MYH11: variants seen among roughly 807,000 people sequenced by gnomAD.
MYH11 encodes the protein myosin-11.
In MYH11, 80 loss-of-function variants were observed where a neutral mutation model predicts 246.6. That is an observed-to-expected ratio of 0.32 (90% CI 0.27 to 0.39). The LOEUF is 0.39. Ranked by LOEUF, MYH11 falls within the 10% of genes least tolerant of loss-of-function variation. The probability of loss-of-function intolerance (pLI) is 1.00; values close to 1 mark genes in which losing one functional copy is unlikely to be tolerated. For synonymous variants in MYH11, 1,071 were observed against 1,015.5 expected (o/e 1.05, Z -1.04); for missense variants, 2,158 against 2,546.8 (o/e 0.85, Z 3.29).
At chr16:15,833,419 C>CGAAT (rs1160223057) in intron 2 of MYH11, among the ~76,000 whole-genome samples, 2 of 78,422 alleles carry the variant, frequency 2.6e-5, no homozygotes, top group African/African-American at 4.8e-5. Flanking sequence ...AAGGGAGGAA[C>CGAAT]GAACTAACTA....
At chr16:15,716,011 C>T (rs1276297712) in intron 38 of MYH11, among the ~76,000 whole-genome samples, 2 of 152,060 alleles carry the variant, frequency 1.3e-5, no homozygotes, top group Non-Finnish European at 2.9e-5. Flanking sequence ...CCTGTAGTCC[C>T]AGCTACTTGG....
At chr16:15,782,277 C>T in intron 6 of MYH11, 108 bp downstream of exon 6, 1 of 895,540 alleles carries the variant, frequency 1.1e-6, no homozygotes, top group Non-Finnish European at 1.9e-6. Context: ...CAGCCCATCT[C>T]TCCAGGGTCA....
At position 15,715,095 on chromosome 16, in the gene MYH11, T is replaced by A; in HGVS notation, c.5614-14A>T. Reference sequence around the variant, plus strand: ...GCCTTTCTCTGCCTGTCGCGGAGAGTTGGAGGGGTGGTTAGGGGAGGCCGG... The same window carrying A: ...GCCTTTCTCTGCCTGTCGCGGAGAGATGGAGGGGTGGTTAGGGGAGGCCGG... On this transcript the variant is annotated splice_polypyrimidine_tract_variant and intron_variant, in intron 39 of 40. Transcript: ENST00000300036. The A allele has an allele frequency of 6.2e-7, 1 of 1,611,908 alleles. No homozygotes were observed.
rs777173010 is a variant in MYH11 at position 15,747,637 on chromosome 16, G to A, written c.2344C>T (p.Arg782Ter). 2 of 1,614,062 alleles carry A rather than the reference G, an allele frequency of 1.2e-6. No individual in the cohort carries two copies. The highest frequency in any genetic ancestry group is 1.7e-6 in the Non-Finnish European group (2 of 1,180,014). The stretch of plus-strand genomic sequence containing the variant: ...ATGACATCGGTGATCTTCAAATCTC[G>A]CTCCTCCTCTAGGTGGGCCAGGACG... ...TGVLAHLEEE[R>*]DLKITDVIMA... Residue 782 changes from arginine to a stop codon, truncating the protein, a stop_gained, in exon 19 of 41, where the codon CGA (arginine) becomes TGA (stop). Transcript: ENST00000300036. LOFTEE classifies it high-confidence loss of function.
chr16:15,847,580 G>A (rs75949369), intron 1 of MYH11, among the ~76,000 whole-genome samples: 2,969 of 152,288 alleles, frequency 0.019, 83 homozygotes, highest in African/African-American at 0.057. Flanking sequence ...TAATTGCCAT[G>A]TGGATGAGTT....
chr16:15,786,102 C>A (rs114615807), intron 5 of MYH11: 3 of 280,188 alleles, frequency 1.1e-5, no homozygotes, highest in Non-Finnish European at 2.1e-5. Flanking sequence ...CCAAAAGGTA[C>A]CTTAACCCCT....
At chr16:15,738,746 G>A in intron 23 of MYH11, 58 bp from the exon 24 acceptor site, 2 of 1,587,338 alleles carry the variant, frequency 1.3e-6, no homozygotes, top group Non-Finnish European at 1.7e-6. Context: ...TAGAATCTAT[G>A]TTTCACTTTT....
At chr16:15,718,610 C>G (rs962692522) in intron 36 of MYH11, 172 bp from the exon 37 acceptor site, 2 of 1,034,322 alleles carry the variant, frequency 1.9e-6, no homozygotes, top group Non-Finnish European at 2.7e-6. Context: ...AGTGGACAGC[C>G]GGGACTCAGG....
At chr16:15,720,507 G>A (rs981908458) in intron 33 of MYH11, among the ~76,000 whole-genome samples, 195 bp from the exon 34 acceptor site, 50 of 152,068 alleles carry the variant, frequency 3.3e-4, no homozygotes, top group Non-Finnish European at 1.8e-4. Flanking sequence ...AGCACTTTGG[G>A]AGGCCAACAG....
At chr16:15,705,903 T>C (rs1255144126) in intron 40 of MYH11, among the ~76,000 whole-genome samples, 1 of 139,958 alleles carries the variant, frequency 7.1e-6, no homozygotes, top group Admixed American at 7.9e-5. Context: ...GAGAATGACA[T>C]GAACCCAGGA....
Position 15,844,120 on chromosome 16 carries a change from TG to T in MYH11, c.-17-5852del, listed in dbSNP as rs779255598. On this transcript the variant is annotated intron_variant, in intron 1 of 40. Transcript: ENST00000300036. ...TGCTCAAAAGAAAAGGGGATGGAGA[TG>T]GGGGATGAAGGTGATGAAGCCTCCA... is the stretch of plus-strand genomic sequence containing the variant. 2.6e-5 allele frequency among the ~76,000 whole-genome samples: 4 copies of T among 152,058 alleles called. 1 individual carries two copies. Among genetic ancestry groups the T allele is most frequent in the Non-Finnish European group, 5.9e-5 (4 of 68,010 alleles).
At chr16:15,731,103 G>T (rs1285842723) in intron 27 of MYH11, among the ~76,000 whole-genome samples, 1 of 152,162 alleles carries the variant, frequency 6.6e-6, no homozygotes, top group East Asian at 1.9e-4. Context: ...ATTACGGGAG[G>T]CATGAGCCGC....
At chr16:15,826,998 A>G (rs1477166282) in intron 2 of MYH11, among the ~76,000 whole-genome samples, 1 of 63,850 alleles carries the variant, frequency 1.6e-5, no homozygotes, top group Admixed American at 1.2e-4. Flanking sequence ...ACCCATCTCA[A>G]AAAAAAAAAA....
At chr16:15,842,656 C>T (rs2044084508) in intron 1 of MYH11, among the ~76,000 whole-genome samples, 1 of 145,940 alleles carries the variant, frequency 6.9e-6, no homozygotes, top group East Asian at 2.1e-4. Flanking sequence ...CCTAGCTACT[C>T]GGGAGGCTGA....
At position 15,778,879 on chromosome 16, in the gene MYH11, C is replaced by T. The variant is rs764635475; in HGVS notation, c.727-36G>A. ...GAAAACACAGTTCAGGCTTTGCTGC[C>T]CAACTTCAGCCGTTAACCCCATGCT... On this transcript the variant is annotated intron_variant, in intron 6 of 40. Coordinates refer to ENST00000300036, the MANE Select transcript of MYH11 (RefSeq NM_002474.3). 8 of 1,605,370 alleles carry T rather than the reference C, an allele frequency of 5.0e-6. No homozygotes were observed. In the South Asian group the frequency reaches 8.8e-5, roughly 18 times the overall value.
chr16:15,774,311 G>A (rs2042171237), intron 8 of MYH11, among the ~76,000 whole-genome samples: 1 of 152,158 alleles, frequency 6.6e-6, no homozygotes, highest in African/African-American at 2.4e-5. Flanking sequence ...CGGCCCCTGG[G>A]AATTTAGTTC....
At chr16:15,729,187 A>T (rs1011181509) in intron 27 of MYH11, among the ~76,000 whole-genome samples, 3 of 152,170 alleles carry the variant, frequency 2.0e-5, no homozygotes, top group Middle Eastern at 6.8e-3. Flanking sequence ...CAGAAACCTT[A>T]GCCCAGCCTA....
rs1394529790 is a variant in MYH11, at chr16:15,725,147, AAAC to A, written c.3859-158_3859-156del. On this transcript the variant is annotated intron_variant, in intron 28 of 40. Transcript: ENST00000300036. ...ATGGGACTCTGATAAAAAAAAAAAA[AAAC>A]ACACACACACACAAAAAAAACAGAA... The A allele has an allele frequency of 3.6e-3, 2,348 of 655,274 alleles. 40 individuals carry two copies. In the African/African-American group the frequency reaches 0.04, roughly 11 times the overall value. 40.6% of individuals were successfully genotyped at this position (655,274 alleles called of 1,614,324 possible). A position where few individuals can be genotyped will look rare whatever the true frequency, so the allele number is the denominator to read the frequency against.
chr16:15,800,453 A>G (rs901135661), intron 3 of MYH11, among the ~76,000 whole-genome samples: 1 of 149,840 alleles, frequency 6.7e-6, no homozygotes, highest in Non-Finnish European at 1.5e-5. Context: ...AAAGGAGGGA[A>G]GGGTGTGTAG....
Sources: gnomAD v4.1 joint callset for allele counts (sites outside exome capture counted in the v4.1 genomes callset) on GRCh38, gnomAD v4.1.1 for gene constraint, MANE v1.5 for transcripts, NCBI Gene and HGNC (gene_info 2026-07-23, HGNC 2026-07-21) for gene names.